The following LRRC69 variants were observed in gnomAD, a reference collection of about 807,000 sequenced individuals.
LRRC69 encodes leucine rich repeat containing 69, also known as leucine-rich repeat-containing protein 69.
In LRRC69, 42 loss-of-function variants were observed where a neutral mutation model predicts 37.8. The ratio of observed to expected loss-of-function variants is 1.11; its 90% CI spans 0.87 to 1.44. The LOEUF is 1.44. LRRC69 is among the 40% of genes most tolerant of loss of function. The pLI, the probability that LRRC69 is intolerant of heterozygous loss-of-function variation, is 0.00. For synonymous variants in LRRC69, 141 were observed against 143.1 expected (o/e 0.99, Z 0.11); for missense variants, 357 against 401.9 (o/e 0.89, Z 0.96).
chr8:91,107,067 G>A (rs1813327616), intron 1 of LRRC69, among the ~76,000 whole-genome samples: 1 of 150,958 alleles, frequency 6.6e-6, no homozygotes, highest in African/African-American at 2.4e-5. Context: ...CTCCCAAAGT[G>A]CTGGGATTAC....
chr8:91,105,035 T>C (rs1479336813), intron 1 of LRRC69, among the ~76,000 whole-genome samples: 2 of 152,020 alleles, frequency 1.3e-5, no homozygotes, highest in Non-Finnish European at 2.9e-5. Flanking sequence ...TGTTCACTCT[T>C]AGTTCCTTCA....
At chr8:91,207,360 T>C (rs183841566) in intron 7 of LRRC69, among the ~76,000 whole-genome samples, 85 of 152,312 alleles carry the variant, frequency 5.6e-4, no homozygotes, top group Non-Finnish European at 9.7e-4. Context: ...AGGTAGCATA[T>C]AGTAGGTGCT....
At chr8:91,109,935 C>T (rs897181317) in intron 1 of LRRC69, among the ~76,000 whole-genome samples, 2 of 151,870 alleles carry the variant, frequency 1.3e-5, no homozygotes, top group Non-Finnish European at 1.5e-5. Flanking sequence ...TATTAAACAG[C>T]GGTTTTAAGG....
At chr8:91,128,192 A>G (rs1813752685) in intron 3 of LRRC69, among the ~76,000 whole-genome samples, 1 of 152,034 alleles carries the variant, frequency 6.6e-6, no homozygotes, top group Non-Finnish European at 1.5e-5. Flanking sequence ...CTGTGCAACT[A>G]GATTTATGCC....
intron 5 of LRRC69, among the ~76,000 whole-genome samples, chr8:91,140,091 CAAAAAAAAAA>C: frequency 8.7e-6 from 1 of 114,996 alleles, no homozygotes; most frequent in Admixed American, 9.7e-5. Flanking sequence ...AACTCCGTCT[CAAAAAAAAAA>C]AAAAAAAAAA....
chr8:91,175,992 G>T (rs987796497), intron 5 of LRRC69, among the ~76,000 whole-genome samples: 2 of 150,966 alleles, frequency 1.3e-5, no homozygotes, highest in African/African-American at 4.9e-5. Context: ...TTAACATTTT[G>T]TAGGTATCTC....
intron 5 of LRRC69, among the ~76,000 whole-genome samples, chr8:91,165,650 C>T (rs1271601186): frequency 1.3e-5 from 2 of 151,626 alleles, no homozygotes; most frequent in African/African-American, 2.4e-5. Flanking sequence ...ATTCAAGTCA[C>T]ATGTACAACT....
intron 5 of LRRC69, among the ~76,000 whole-genome samples, chr8:91,173,690 G>T (rs139915276): frequency 3.6e-4 from 55 of 152,278 alleles, no homozygotes; most frequent in African/African-American, 1.3e-3. Flanking sequence ...GGATGTTCAA[G>T]ATCAAGATGC....
chr8:91,194,296 G>T (rs898805503), intron 6 of LRRC69, among the ~76,000 whole-genome samples: 8 of 149,530 alleles, frequency 5.4e-5, no homozygotes, highest in Admixed American at 4.0e-4. Context: ...AAGGATATTG[G>T]TCTAAAATTC....
At chr8:91,120,368 T>G (rs74693557) in intron 1 of LRRC69, among the ~76,000 whole-genome samples, 1,854 of 152,214 alleles carry the variant, frequency 0.012, 33 homozygotes, top group African/African-American at 0.043. Flanking sequence ...AAACATAGAT[T>G]TTTGTAATAT....
chr8:91,111,108 G>A (rs1052946334), intron 1 of LRRC69, among the ~76,000 whole-genome samples: 1 of 152,030 alleles, frequency 6.6e-6, no homozygotes, highest in African/African-American at 2.4e-5. Flanking sequence ...CCTGTCATTG[G>A]AAAGTTTCCT....
chr8:91,114,823 G>C (rs2130486602), intron 1 of LRRC69, among the ~76,000 whole-genome samples: 1 of 152,082 alleles, frequency 6.6e-6, no homozygotes, highest in Middle Eastern at 3.4e-3. Context: ...TGTCCCCATA[G>C]TAAAGTGACA....
intron 7 of LRRC69, among the ~76,000 whole-genome samples, chr8:91,208,116 A>C (rs764965321): frequency 6.6e-6 from 1 of 152,136 alleles, no homozygotes; most frequent in African/African-American, 2.4e-5. Flanking sequence ...TTTTAACCTA[A>C]GTAACACTTT....
At chr8:91,151,131 T>A (rs1401558153) in intron 5 of LRRC69, among the ~76,000 whole-genome samples, 1 of 151,974 alleles carries the variant, frequency 6.6e-6, no homozygotes, top group Admixed American at 6.6e-5. Flanking sequence ...CTGCTAGCTT[T>A]TGAATGTGTT....
In LRRC69 at chr8:91,143,437, CCA is replaced by C. The variant is rs78163472; in HGVS notation, c.651+7701_651+7702del. Among the ~76,000 whole-genome samples, 113 of 152,130 alleles carry C rather than the reference CCA, an allele frequency of 7.4e-4. 2 individuals carry two copies. The East Asian group carries it at 0.013, about 18-fold the overall frequency. On this transcript the variant is annotated intron_variant, in intron 5 of 7. Transcript: ENST00000448384. ...TAAATTATACCCAATGCTACATTTT[CCA>C]CAGTCACTGCTTTCTTTCAGTTTCA... is the stretch of plus-strand genomic sequence containing the variant.
At chr8:91,146,146 G>A (rs982176856) in intron 5 of LRRC69, among the ~76,000 whole-genome samples, 1 of 151,726 alleles carries the variant, frequency 6.6e-6, no homozygotes, top group Non-Finnish European at 1.5e-5. Context: ...ACATGGTATA[G>A]TGGTTGGTGA....
chr8:91,197,621 C>T (rs1339966172), intron 6 of LRRC69, among the ~76,000 whole-genome samples: 4 of 152,172 alleles, frequency 2.6e-5, no homozygotes, highest in Non-Finnish European at 5.9e-5. Flanking sequence ...TGCCGTCCGA[C>T]ACCCCTTTCT....
intron 6 of LRRC69, among the ~76,000 whole-genome samples, chr8:91,192,221 A>G (rs1393702426): frequency 1.3e-5 from 2 of 152,110 alleles, no homozygotes; most frequent in Non-Finnish European, 2.9e-5. Context: ...TATATGTGCC[A>G]CATTTTCTTT....
intron 5 of LRRC69, among the ~76,000 whole-genome samples, chr8:91,164,484 G>T (rs1429383684): frequency 1.3e-5 from 2 of 151,670 alleles, no homozygotes; most frequent in Non-Finnish European, 2.9e-5. Flanking sequence ...CTACTCTTCA[G>T]TCTGGGGTAT....
Sources: allele counts gnomAD v4.1 joint callset (sites outside exome capture counted in the v4.1 genomes callset), GRCh38; gene constraint gnomAD v4.1.1; transcripts MANE v1.5; gene names NCBI Gene and HGNC (gene_info 2026-07-23, HGNC 2026-07-21).